Variants in DOCK2 observed in about 807,000 individuals in gnomAD.
DOCK2 encodes dedicator of cytokinesis protein 2.
In DOCK2, 87 loss-of-function variants were observed where a neutral mutation model predicts 248.9. The ratio of observed to expected loss-of-function variants is 0.35; its 90% CI spans 0.29 to 0.42. DOCK2 has a LOEUF of 0.42. Ranked by LOEUF, DOCK2 falls within the 10% of genes least tolerant of loss-of-function variation. The pLI, the probability that DOCK2 is intolerant of heterozygous loss-of-function variation, is 1.00. For synonymous variants in DOCK2, 805 were observed against 821.6 expected (o/e 0.98, Z 0.35); for missense variants, 1,747 against 2,300.2 (o/e 0.76, Z 4.92).
chr5:169,952,032 A>C (rs1332448899), intron 27 of DOCK2, among the ~76,000 whole-genome samples: 1 of 152,214 alleles, frequency 6.6e-6, no homozygotes, highest in Non-Finnish European at 1.5e-5. Context: ...CTATTCTCAC[A>C]ACATGTGAAA....
intron 25 of DOCK2, among the ~76,000 whole-genome samples, chr5:169,785,306 C>T (rs1246212123): frequency 6.6e-6 from 1 of 152,080 alleles, no homozygotes; most frequent in Admixed American, 6.6e-5. Flanking sequence ...TATTTTATAC[C>T]TTATTCTTGC....
intron 27 of DOCK2, among the ~76,000 whole-genome samples, chr5:169,947,457 T>C (rs896704032): frequency 1.3e-5 from 2 of 152,156 alleles, no homozygotes; most frequent in African/African-American, 4.8e-5. Context: ...TAGCCCTGTT[T>C]TACAGATGGT....
chr5:169,804,938 A>G (rs1377019968), intron 26 of DOCK2, among the ~76,000 whole-genome samples: 2 of 152,210 alleles, frequency 1.3e-5, no homozygotes, highest in African/African-American at 4.8e-5. Context: ...ATGTTTCTAT[A>G]AGGACATTCA....
intron 27 of DOCK2, among the ~76,000 whole-genome samples, chr5:169,896,875 G>T (rs116158339): frequency 6.9e-6 from 1 of 145,188 alleles, no homozygotes; most frequent in Non-Finnish European, 1.5e-5. Context: ...GTAGATGACA[G>T]AAGATGAGAG....
At chr5:169,880,331 G>T (rs556930042) in intron 27 of DOCK2, among the ~76,000 whole-genome samples, 63 of 152,308 alleles carry the variant, frequency 4.1e-4, no homozygotes, top group African/African-American at 1.4e-3. Flanking sequence ...CAGGCATATG[G>T]TCTCTTACTC....
At chr5:169,921,473 C>G (rs73325990) in intron 27 of DOCK2, among the ~76,000 whole-genome samples, 2,850 of 152,324 alleles carry the variant, frequency 0.019, 87 homozygotes, top group African/African-American at 0.066. Context: ...TTCCCAAACA[C>G]ATTCCATGGA....
At chr5:169,938,567 A>C (rs929632064) in intron 27 of DOCK2, among the ~76,000 whole-genome samples, 8 of 152,222 alleles carry the variant, frequency 5.3e-5, no homozygotes, top group Non-Finnish European at 8.8e-5. Context: ...AAAATGGTCC[A>C]CCTGTACAGG....
At chr5:169,818,786 A>G (rs563526124) in intron 26 of DOCK2, among the ~76,000 whole-genome samples, 1 of 152,256 alleles carries the variant, frequency 6.6e-6, no homozygotes, top group African/African-American at 2.4e-5. Flanking sequence ...TGAGACAGCA[A>G]TGAGAGATTT....
intron 1 of DOCK2, among the ~76,000 whole-genome samples, chr5:169,651,400 C>G (rs945135806): frequency 1.3e-5 from 2 of 152,252 alleles, no homozygotes; most frequent in Admixed American, 1.3e-4. Context: ...AGCCAATCTA[C>G]TGGCACCTTC....
At chr5:170,044,791 G>A (rs1450128317) in intron 38 of DOCK2, among the ~76,000 whole-genome samples, 1 of 152,134 alleles carries the variant, frequency 6.6e-6, no homozygotes, top group African/African-American at 2.4e-5. Context: ...AGCTCACACT[G>A]CATTTTGGCA....
chr5:169,790,413 T>C (rs1349991853), intron 25 of DOCK2, among the ~76,000 whole-genome samples: 1 of 152,210 alleles, frequency 6.6e-6, no homozygotes, highest in Non-Finnish European at 1.5e-5. Flanking sequence ...AACGCTTGCC[T>C]GAGCCCTCCA....
chr5:169,698,952 T>C (rs1422993117), intron 11 of DOCK2, among the ~76,000 whole-genome samples: 1 of 152,180 alleles, frequency 6.6e-6, no homozygotes, highest in Non-Finnish European at 1.5e-5. Flanking sequence ...TCTCCTCTCC[T>C]GTTCCAAAAG....
intron 47 of DOCK2, among the ~76,000 whole-genome samples, chr5:170,077,380 A>T (rs1258579318): frequency 1.3e-5 from 2 of 152,244 alleles, no homozygotes; most frequent in Non-Finnish European, 2.9e-5. Flanking sequence ...CTATAATCAT[A>T]GAGCTGGTCT....
chr5:169,718,089 A>G (rs1481739661), intron 21 of DOCK2, among the ~76,000 whole-genome samples: 1 of 149,424 alleles, frequency 6.7e-6, no homozygotes, highest in Admixed American at 6.7e-5. Context: ...CAAAACAAAA[A>G]CAGCGGGGGA....
At chr5:169,728,235 G>C (rs548899270) in intron 22 of DOCK2, among the ~76,000 whole-genome samples, 1 of 152,184 alleles carries the variant, frequency 6.6e-6, no homozygotes, top group Admixed American at 6.5e-5. Flanking sequence ...GACATAAAAT[G>C]TTTGAGGTGT....
rs754209948 is a variant in DOCK2, at chr5:169,712,220, C to T, written c.1656C>T (p.Leu552=). The T allele has an allele frequency of 6.2e-7, 1 of 1,613,802 alleles. No homozygotes were observed. The highest frequency in any genetic ancestry group is 2.2e-5 in the East Asian group (1 of 44,866). ...LHDGFHDLVV[L]KGDSKKMEDA... The stretch of plus-strand genomic sequence containing the variant: ...ATGGATTCCATGACTTAGTTGTCCT[C>T]AAGGTACCATGAGTTGGAAGGAGCT... Residue 552 remains leucine, a synonymous_variant, in exon 17 of 52, where the codon CTC becomes CTT. Coordinates refer to ENST00000520908, the MANE Select transcript of DOCK2 (RefSeq NM_004946.3).
chr5:169,840,784 ATC>A lies in DOCK2; in HGVS notation c.2732_2733del (p.Ile911AsnfsTer23). The A allele has an allele frequency of 6.2e-7, 1 of 1,613,926 alleles. No homozygotes were observed. Among genetic ancestry groups the A allele is most frequent in the East Asian group, 2.2e-5 (1 of 44,846 alleles). ...CTTCACCTACCACCATATCCAGGAG[ATC>A]ATGGTCCAGCTGCTGCGGACAGTGA... ...AAFTYHHIQE[I>X]MVQLLRTVNR... On this transcript the variant is annotated frameshift_variant, in exon 27 of 52. Transcript: ENST00000520908. LOFTEE classifies it high-confidence loss of function.
chr5:169,691,228 G>A (rs1479918475), intron 9 of DOCK2, among the ~76,000 whole-genome samples: 3 of 152,150 alleles, frequency 2.0e-5, no homozygotes, highest in African/African-American at 4.8e-5. Context: ...CATGATGATA[G>A]CACCTTTGGT....
At chr5:169,896,513 T>C (rs1012195305) in intron 27 of DOCK2, among the ~76,000 whole-genome samples, 6 of 152,246 alleles carry the variant, frequency 3.9e-5, no homozygotes, top group Admixed American at 3.3e-4. Context: ...AAGATGTAGC[T>C]AATAATATTA....
Sources: allele counts gnomAD v4.1 joint callset (sites outside exome capture counted in the v4.1 genomes callset), GRCh38; gene constraint gnomAD v4.1.1; transcripts MANE v1.5; gene names NCBI Gene and HGNC (gene_info 2026-07-23, HGNC 2026-07-21).